The following DNM2 variants were observed in gnomAD, a reference collection of about 807,000 sequenced individuals.
DNM2 encodes dynamin 2, also known as dynamin-2.
Under a neutral mutation model 99.0 loss-of-function variants are expected in DNM2, and 15 were observed. That is an observed-to-expected ratio of 0.15 (90% CI 0.10 to 0.23). The LOEUF (loss-of-function observed/expected upper bound fraction) is 0.23. DNM2 is among the 10% of genes least tolerant of loss of function. DNM2 has a pLI of 1.00. For missense variants in DNM2, 742 were observed against 1,189.4 expected, an observed-to-expected ratio of 0.62 and a Z score of 5.53; for synonymous variants, 525 against 481.2, an observed-to-expected ratio of 1.09 and a Z score of -1.19.
Position 10,767,697 on chromosome 19 carries a change from G to C in DNM2, c.236-4782G>C, listed in dbSNP as rs572750682. Among the ~76,000 whole-genome samples, 5 of 152,240 alleles carry C rather than the reference G, an allele frequency of 3.3e-5. No individual in the cohort carries two copies. In the South Asian group the frequency reaches 1.0e-3, roughly 32 times the overall value. On this transcript the variant is annotated intron_variant, in intron 2 of 20. Coordinates refer to ENST00000389253, the MANE Select transcript of DNM2 (RefSeq NM_001005361.3). ...GAGGTGGGCGGATCACCTGAGGTCT[G>C]GAGTTCGAGACCAGCCTGGCTAACA...
rs1040564626 is a variant in DNM2 at position 10,775,134 on chromosome 19, T to A, written c.386-569T>A. Among the ~76,000 whole-genome samples the A allele has an allele frequency of 1.3e-5, 2 of 151,914 alleles. No homozygotes were observed. Among genetic ancestry groups the A allele is most frequent in the East Asian group, 1.9e-4 (1 of 5,180 alleles). ...TCTTGCTCTGTCGCCCAGGCTGGAG[T>A]GCAGTGGTATGATCTCAGCTCACTG... is the stretch of plus-strand genomic sequence containing the variant. On this transcript the variant is annotated intron_variant, in intron 3 of 20. Transcript: ENST00000389253. The surrounding 1 kb of genome is among the most constrained non-coding windows in gnomAD (Gnocchi z 4.3).
chr19:10,776,190 C>T (rs964623524), intron 4 of DNM2, among the ~76,000 whole-genome samples: 2 of 152,210 alleles, frequency 1.3e-5, no homozygotes, highest in Non-Finnish European at 2.9e-5. Flanking sequence ...CGCTCCATCG[C>T]CCAGATGCGA....
chr19:10,735,822 C>A (rs182400216), intron 1 of DNM2, among the ~76,000 whole-genome samples: 35 of 152,178 alleles, frequency 2.3e-4, no homozygotes, highest in Non-Finnish European at 4.9e-4. Flanking sequence ...CCTTTTCTGG[C>A]ACTATTGAAA....
At chr19:10,766,044 G>T (rs975801269) in intron 2 of DNM2, among the ~76,000 whole-genome samples, 3 of 152,138 alleles carry the variant, frequency 2.0e-5, no homozygotes, top group African/African-American at 7.2e-5. Flanking sequence ...ATTGCATTTT[G>T]GGGAAACTGA....
intron 1 of DNM2, among the ~76,000 whole-genome samples, chr19:10,758,988 C>G (rs1193657602): frequency 6.6e-6 from 1 of 152,052 alleles, no homozygotes; most frequent in African/African-American, 2.4e-5. Flanking sequence ...ATTGCCTAAG[C>G]TGGAGTGCAG....
At chr19:10,793,938 T>C in intron 8 of DNM2, 83 bp downstream of exon 8, 1 of 1,609,562 alleles carries the variant, frequency 6.2e-7, no homozygotes, top group Non-Finnish European at 8.5e-7. Flanking sequence ...TCCCAGGCAA[T>C]AAGGTCTCAA....
intron 2 of DNM2, among the ~76,000 whole-genome samples, chr19:10,770,574 G>C (rs35958394): frequency 0.24 from 35,869 of 152,034 alleles, 5,345 homozygotes; most frequent in Middle Eastern, 0.37. Flanking sequence ...AGACGTATTT[G>C]AGACCGGGCA....
intron 15 of DNM2, among the ~76,000 whole-genome samples, chr19:10,813,311 C>A (rs2072620520): frequency 6.6e-6 from 1 of 152,230 alleles, no homozygotes; most frequent in Non-Finnish European, 1.5e-5. Context: ...AGGATACTGC[C>A]AACCGGCCTC....
Position 10,812,793 on chromosome 19 carries a change from A to T in DNM2, c.1671+416A>T, listed in dbSNP as rs1163100744. Among the ~76,000 whole-genome samples, 1 of 151,262 alleles carries T rather than the reference A, an allele frequency of 6.6e-6. No individual in the cohort carries two copies. The highest frequency in any genetic ancestry group is 1.9e-4 in the East Asian group (1 of 5,190). On this transcript the variant is annotated intron_variant, in intron 15 of 20. Transcript: ENST00000389253. This position sits in a 1 kb window ranked among gnomAD's most constrained non-coding sequence, Gnocchi z 4.0. The stretch of plus-strand genomic sequence containing the variant: ...GAGAGCGAGACTCCATCTCAAAATA[A>T]ACAAACAAACAAACAAAAAACAACC...
chr19:10,768,213 G>A (rs2070862068), intron 2 of DNM2, among the ~76,000 whole-genome samples: 1 of 152,142 alleles, frequency 6.6e-6, no homozygotes, highest in Admixed American at 6.5e-5. Context: ...CAGCACTTTG[G>A]GAGGCCGAGG....
rs573429610 is a variant in DNM2 at position 10,790,937 on chromosome 19, T to G, written c.993-2783T>G. Among the ~76,000 whole-genome samples the G allele has an allele frequency of 3.3e-5, 5 of 151,978 alleles. No individual in the cohort carries two copies. In the South Asian group the frequency reaches 1.0e-3, roughly 32 times the overall value. ...GTATGCGCCACCATGCCTAGCTAAT[T>G]TTTGTATTTTTGTAGAGACAAGGTC... On this transcript the variant is annotated intron_variant, in intron 7 of 20. Transcript: ENST00000389253.
At chr19:10,822,092 C>T (rs1002513961) in intron 16 of DNM2, among the ~76,000 whole-genome samples, 10 of 152,322 alleles carry the variant, frequency 6.6e-5, no homozygotes, top group African/African-American at 2.4e-4. Context: ...TGGCACGGGG[C>T]CTGGCCTGTA....
At chr19:10,828,806 T>C (rs1163031648) in intron 18 of DNM2, among the ~76,000 whole-genome samples, 1 of 151,676 alleles carries the variant, frequency 6.6e-6, no homozygotes, top group Non-Finnish European at 1.5e-5. Flanking sequence ...GTGCCTGTCG[T>C]CCTAGCTACT....
chr19:10,826,976 C>T (rs1361922803), intron 18 of DNM2, among the ~76,000 whole-genome samples: 1 of 151,142 alleles, frequency 6.6e-6, no homozygotes, highest in Non-Finnish European at 1.5e-5. Flanking sequence ...TGTGGCTGGG[C>T]ATGGTGGCTC....
intron 1 of DNM2, among the ~76,000 whole-genome samples, chr19:10,736,156 T>C (rs1056251242): frequency 6.6e-6 from 1 of 151,670 alleles, no homozygotes; most frequent in Non-Finnish European, 1.5e-5. Context: ...TCCCAGCTAA[T>C]TGGGAGACTG....
Position 10,718,236 on chromosome 19 carries a change from C to T in DNM2, c.-7C>T. The stretch of plus-strand genomic sequence containing the variant: ...GCAGGGCGCTCGGGCCGGGGGCCGC[C>T]GGCGCCATGGGCAACCGCGGGATGG... On this transcript the variant is annotated 5_prime_UTR_variant, in exon 1 of 21. Coordinates refer to ENST00000389253, the MANE Select transcript of DNM2 (RefSeq NM_001005361.3). 1.4e-6 allele frequency: 2 copies of T among 1,468,298 alleles called. No individual in the cohort carries two copies. Among genetic ancestry groups the T allele is most frequent in the African/African-American group, 1.5e-5 (1 of 68,082 alleles). The allele number at this position is 1,468,298 out of a possible 1,614,324, so 91.0% of individuals were successfully genotyped here. A position where few individuals can be genotyped will look rare whatever the true frequency, so the allele number is the denominator to read the frequency against.
chr19:10,762,548 A>G (rs1040707517), intron 2 of DNM2, among the ~76,000 whole-genome samples: 2 of 152,128 alleles, frequency 1.3e-5, no homozygotes, highest in African/African-American at 2.4e-5. Flanking sequence ...TATTTACTAC[A>G]TGTCAGGGAG....
In DNM2 at chr19:10,830,540, C is replaced by T. The variant is rs1773720004; in HGVS notation, c.2543+162C>T. 2.3e-6 allele frequency: 2 copies of T among 863,852 alleles called. No individual in the cohort carries two copies. The highest frequency in any genetic ancestry group is 3.5e-6 in the Non-Finnish European group (2 of 570,922). 53.5% of individuals were successfully genotyped at this position (863,852 alleles called of 1,614,324 possible). A position where few individuals can be genotyped will look rare whatever the true frequency, so the allele number is the denominator to read the frequency against. On this transcript the variant is annotated intron_variant, in intron 20 of 20. Transcript: ENST00000389253. The surrounding 1 kb of genome is among the most constrained non-coding windows in gnomAD (Gnocchi z 4.8). ...TGCGAGGAAACAGGCCCAGAGAGGC[C>T]AAGAGGCTTGTTCAGTGTCACAGAG...
At chr19:10,740,965 A>G (rs1268102073) in intron 1 of DNM2, among the ~76,000 whole-genome samples, 1 of 152,186 alleles carries the variant, frequency 6.6e-6, no homozygotes, top group Non-Finnish European at 1.5e-5. Flanking sequence ...CTTTAAAATT[A>G]TTGAGTCATG....
Sources: allele counts gnomAD v4.1 joint callset (sites outside exome capture counted in the v4.1 genomes callset), GRCh38; gene constraint gnomAD v4.1.1; non-coding constraint Gnocchi (gnomAD v3.1); transcripts MANE v1.5; gene names NCBI Gene and HGNC (gene_info 2026-07-23, HGNC 2026-07-21).